Variants in RC3H1 observed in about 807,000 individuals in gnomAD.
RC3H1 encodes ring finger and CCCH-type domains 1, also known as roquin-1.
In RC3H1, 50 loss-of-function variants were observed where a neutral mutation model predicts 138.2. The observed-to-expected ratio is 0.36, with a 90% CI of 0.29 to 0.46. RC3H1 has a LOEUF of 0.46. Among genes scored for constraint, RC3H1 ranks in the 20% least tolerant of loss-of-function variants. RC3H1 has a pLI of 1.00. For synonymous variants in RC3H1, 462 were observed against 489.1 expected (o/e 0.94, Z 0.73); for missense variants, 1,031 against 1,388.1 (o/e 0.74, Z 4.09).
intron 9 of RC3H1, among the ~76,000 whole-genome samples, chr1:173,968,581 T>C (rs1660218154): frequency 6.6e-6 from 1 of 152,164 alleles, no homozygotes; most frequent in Non-Finnish European, 1.5e-5. Context: ...CTCATTTCTT[T>C]TGTTTCTAGT....
intron 1 of RC3H1, among the ~76,000 whole-genome samples, chr1:174,020,038 C>T (rs1661928984): frequency 6.6e-6 from 1 of 151,304 alleles, no homozygotes; most frequent in South Asian, 2.1e-4. Flanking sequence ...TAAATTACTA[C>T]AATTGTTCTA....
At chr1:173,966,721 CA>C (rs1214950103) in intron 9 of RC3H1, among the ~76,000 whole-genome samples, 46 of 136,722 alleles carry the variant, frequency 3.4e-4, no homozygotes, top group Admixed American at 4.4e-4. Flanking sequence ...TCTCAAAAAA[CA>C]AAAAAAAAAA....
intron 1 of RC3H1, among the ~76,000 whole-genome samples, chr1:174,003,221 T>C (rs181655601): frequency 6.6e-6 from 1 of 152,190 alleles, no homozygotes; most frequent in Non-Finnish European, 1.5e-5. Context: ...ACCCCGTCTC[T>C]ACTAAAAATG....
At position 173,992,942 on chromosome 1, in the gene RC3H1, G is replaced by A. The variant is rs1661357823; in HGVS notation, c.44C>T (p.Pro15Leu). Residue 15 changes from proline (P) to leucine (L), a missense_variant, in exon 2 of 20, where the codon CCA becomes CTA. Around this residue, in one of 7 missense-constraint regions of RC3H1, gnomAD observed 35 missense variants for 69.4 expected, o/e 0.50. Transcript: ENST00000367696. The stretch of plus-strand genomic sequence containing the variant: ...TTCGTCGAAAGTCTGAGTGCAAATT[G>A]GGCAGGAGAGGAAATCCGTCCATTG... ...APQWTDFLSCPICTQTFDETI... is the reference protein window; with the variant it reads ...APQWTDFLSCLICTQTFDETI... 1 of 1,613,980 alleles carries A rather than the reference G, an allele frequency of 6.2e-7. No individual in the cohort carries two copies. The highest frequency in any genetic ancestry group is 8.5e-7 in the Non-Finnish European group (1 of 1,180,002).
At chr1:173,940,180 G>C (rs1377327861) in intron 19 of RC3H1, among the ~76,000 whole-genome samples, 1 of 151,876 alleles carries the variant, frequency 6.6e-6, no homozygotes, top group Non-Finnish European at 1.5e-5. Flanking sequence ...ACTTTAAAAA[G>C]ACTGGAAAGA....
chr1:173,971,061 A>T lies in RC3H1; in HGVS notation c.1222-444T>A, dbSNP rs534219070. Among the ~76,000 whole-genome samples, 358 of 150,920 alleles carry T rather than the reference A, an allele frequency of 2.4e-3. 3 individuals carry two copies. The highest frequency in any genetic ancestry group is 8.5e-3 in the African/African-American group (349 of 41,028). ...ACTGCAACTTCCACCTCCCCGGCTC[A>T]AGCGATTCTCCTGCCTCAGCCTCCT... On this transcript the variant is annotated intron_variant, in intron 8 of 19. Transcript: ENST00000367696.
chr1:173,947,441 T>C lies in RC3H1; in HGVS notation c.2665A>G (p.Ile889Val), dbSNP rs754756417. 8.7e-6 allele frequency: 14 copies of C among 1,613,918 alleles called. No individual in the cohort carries two copies. Among genetic ancestry groups the C allele is most frequent in the Admixed American group, 8.3e-5 (5 of 59,982 alleles). Residue 889 changes from isoleucine (I) to valine (V), a missense_variant, in exon 15 of 20, where the codon ATA becomes GTA. Physicochemically the swap from Ile to Val is conservative, Grantham distance 29 (BLOSUM62 3). Transcript: ENST00000367696. ...TGCATTGGACCAGCACCCTGATATA[T>C]AGTTTTGGAAGTTCGTGAGATGGCA... Reference protein sequence around the residue: ...FGAISRTSKTIYQGAGPMQAM... With the variant: ...FGAISRTSKTVYQGAGPMQAM...
chr1:173,989,092 G>A (rs1295725192), intron 2 of RC3H1, among the ~76,000 whole-genome samples: 1 of 152,190 alleles, frequency 6.6e-6, no homozygotes, highest in Non-Finnish European at 1.5e-5. Flanking sequence ...GTAGTGCTGC[G>A]ATCGAGGCTC....
chr1:173,932,968 G>C lies in RC3H1; in HGVS notation c.*5753C>G, dbSNP rs1174155455. On this transcript the variant is annotated 3_prime_UTR_variant, in exon 20 of 20. Coordinates refer to ENST00000367696, the MANE Select transcript of RC3H1 (RefSeq NM_172071.4). ...AACCTAAAATGGATGCCAAAGACTT[G>C]TGAGCTCTGTCTGCTTAGAGTTAGA... is the stretch of plus-strand genomic sequence containing the variant. 1 of 152,006 alleles carries C rather than the reference G, an allele frequency of 6.6e-6. No homozygotes were observed. Among genetic ancestry groups the C allele is most frequent in the East Asian group, 1.9e-4 (1 of 5,204 alleles). 9.4% of individuals were successfully genotyped at this position (152,006 alleles called of 1,614,324 possible). A position where few individuals can be genotyped will look rare whatever the true frequency, so the allele number is the denominator to read the frequency against.
At chr1:173,952,608 C>T (rs1241829693) in intron 13 of RC3H1, among the ~76,000 whole-genome samples, 2 of 151,934 alleles carry the variant, frequency 1.3e-5, no homozygotes, top group South Asian at 4.1e-4. Context: ...TTTTATAGTA[C>T]ATGATGATGT....
Position 173,936,756 on chromosome 1 carries a change from TA to T in RC3H1, c.*1964del, listed in dbSNP as rs1658612458. On this transcript the variant is annotated 3_prime_UTR_variant, in exon 20 of 20. Coordinates refer to ENST00000367696, the MANE Select transcript of RC3H1 (RefSeq NM_172071.4). ...ATATATATATATATATATATATATA[TA>T]TATATTTTTTTTTTTTTTTTTAAAA... 463 of 27,728 alleles carry T rather than the reference TA, an allele frequency of 0.017. 2 individuals are homozygous for T. The highest frequency in any genetic ancestry group is 0.022 in the Non-Finnish European group (405 of 18,834). 1.7% of individuals were successfully genotyped at this position (27,728 alleles called of 1,614,324 possible). A position where few individuals can be genotyped will look rare whatever the true frequency, so the allele number is the denominator to read the frequency against.
intron 1 of RC3H1, among the ~76,000 whole-genome samples, chr1:174,021,460 TTA>T (rs1212831320): frequency 3.9e-5 from 6 of 152,096 alleles, no homozygotes; most frequent in African/African-American, 1.4e-4. Flanking sequence ...TAACCACATT[TTA>T]TATGTTTTTG....
At position 173,961,080 on chromosome 1, in the gene RC3H1, T is replaced by C; in HGVS notation, c.2367A>G (p.Glu789=). 4.3e-6 allele frequency: 7 copies of C among 1,612,550 alleles called. No individual in the cohort carries two copies. Among genetic ancestry groups the C allele is most frequent in the Non-Finnish European group, 5.9e-6 (7 of 1,179,418 alleles). The change falls in exon 13 of 20, where the codon GAA becomes GAG. Residue 789 remains glutamate, a synonymous_variant. Transcript: ENST00000367696. The part of the protein sequence containing the change: ...SPTLPPTFHP[E]EFLDEDLKVA... ...AGACTAAAAATGATTTGCTTACTTC[T>C]TCCGGATGAAAGGTAGGAGGCAAGG...
chr1:173,976,389 G>C (rs1449118811), intron 7 of RC3H1, among the ~76,000 whole-genome samples: 1 of 151,754 alleles, frequency 6.6e-6, no homozygotes, highest in Non-Finnish European at 1.5e-5. Context: ...CCAGGCAGAG[G>C]TTGCAGTGAA....
intron 1 of RC3H1, among the ~76,000 whole-genome samples, chr1:174,003,662 ATT>A (rs1296950005): frequency 1.0e-4 from 15 of 143,110 alleles, no homozygotes; most frequent in African/African-American, 1.0e-4. Flanking sequence ...AAATCAGAGA[ATT>A]TTTTTTTTTT....
chr1:173,978,824 TA>T (rs147134841), intron 6 of RC3H1, among the ~76,000 whole-genome samples: 1 of 152,358 alleles, frequency 6.6e-6, no homozygotes, highest in East Asian at 1.9e-4. Context: ...TTGTGTACTG[TA>T]TTGCCTCTGC....
intron 6 of RC3H1, among the ~76,000 whole-genome samples, chr1:173,979,605 G>A (rs1272744250): frequency 1.3e-5 from 2 of 152,126 alleles, no homozygotes; most frequent in African/African-American, 4.8e-5. Context: ...GCAGTGAGCC[G>A]AGATAGTGCC....
intron 14 of RC3H1, among the ~76,000 whole-genome samples, chr1:173,951,484 A>G (rs1659396660): frequency 6.6e-6 from 1 of 152,214 alleles, no homozygotes; most frequent in African/African-American, 2.4e-5. Flanking sequence ...TTCTGACTCA[A>G]ATACTACTTT....
rs1308517664 is a variant in RC3H1 at position 173,982,982 on chromosome 1, T to A, written c.593-80A>T. On this transcript the variant is annotated intron_variant, in intron 4 of 19. Coordinates refer to ENST00000367696, the MANE Select transcript of RC3H1 (RefSeq NM_172071.4). ...CATTTATTAGAAGGGGAATATTTAA[T>A]CATTTCTGCAGCTATTCAATTAACT... The A allele has an allele frequency of 5.5e-5, 71 of 1,290,252 alleles. 1 individual carries two copies. In the East Asian group the frequency reaches 1.6e-3, roughly 28 times the overall value. 79.9% of individuals were successfully genotyped at this position (1,290,252 alleles called of 1,614,324 possible).
Sources: gnomAD v4.1 joint callset for allele counts (sites outside exome capture counted in the v4.1 genomes callset) on GRCh38, gnomAD v4.1.1 for gene constraint, gnomAD v4.1.1 regional missense constraint, MANE v1.5 for transcripts, NCBI Gene and HGNC (gene_info 2026-07-23, HGNC 2026-07-21) for gene names.